The following DNAH12 variants were observed in gnomAD, a reference collection of about 807,000 sequenced individuals.
The protein encoded by DNAH12 is dynein axonemal heavy chain 12, also known as axonemal beta dynein heavy chain 12.
Under a neutral mutation model 371.5 loss-of-function variants are expected in DNAH12, and 285 were observed. That is an observed-to-expected ratio of 0.77 (90% CI 0.70 to 0.85). The LOEUF (loss-of-function observed/expected upper bound fraction) is 0.85, where lower values mean the gene tolerates loss of function less well. Among genes scored for constraint, DNAH12 ranks in the 40% least tolerant of loss-of-function variants. The pLI, the probability that DNAH12 is intolerant of heterozygous loss-of-function variation, is 0.00. For synonymous variants in DNAH12, 1,200 were observed against 1,213.0 expected (o/e 0.99, Z 0.22); for missense variants, 3,611 against 3,689.4 (o/e 0.98, Z 0.55).
intron 69 of DNAH12, among the ~76,000 whole-genome samples, chr3:57,306,256 T>C (rs983204805): frequency 1.3e-5 from 2 of 152,072 alleles, no homozygotes; most frequent in Non-Finnish European, 2.9e-5. Flanking sequence ...TCTTAATCAA[T>C]ACAGAGGCTA....
intron 37 of DNAH12, among the ~76,000 whole-genome samples, chr3:57,419,145 T>C (rs1469353937): frequency 1.3e-5 from 2 of 152,184 alleles, no homozygotes; most frequent in Non-Finnish European, 2.9e-5. Context: ...AGGCAACTTA[T>C]GAGGCAGCAA....
chr3:57,443,254 C>T (rs554622593), intron 29 of DNAH12, among the ~76,000 whole-genome samples: 8 of 152,086 alleles, frequency 5.3e-5, no homozygotes, highest in Non-Finnish European at 8.8e-5. Flanking sequence ...GGACTACAGG[C>T]GTGCACCACC....
intron 57 of DNAH12, among the ~76,000 whole-genome samples, chr3:57,366,350 CTTGGGGCTGCT>C (rs1377434103): frequency 6.6e-6 from 1 of 152,098 alleles, no homozygotes; most frequent in Admixed American, 6.6e-5. Context: ...ACTAGCAGCC[CTTGGGGCTGCT>C]CTATGGAGCA....
chr3:57,496,909 C>A (rs771690311), intron 11 of DNAH12, among the ~76,000 whole-genome samples: 3 of 151,660 alleles, frequency 2.0e-5, no homozygotes, highest in Non-Finnish European at 2.9e-5. Context: ...GCAGAGGTTG[C>A]GGTGAGCCGA....
intron 4 of DNAH12, among the ~76,000 whole-genome samples, chr3:57,511,892 C>T (rs1211920335): frequency 1.3e-5 from 2 of 151,988 alleles, no homozygotes; most frequent in Non-Finnish European, 2.9e-5. Context: ...ATAATTCATA[C>T]CTTCCACCAT....
Position 57,461,553 on chromosome 3 carries a change from T to C in DNAH12, c.2672A>G (p.Gln891Arg). Residue 891 changes from glutamine to arginine, a missense_variant, in exon 19 of 74, where the codon CAA becomes CGA. By Grantham distance (43) the Gln-to-Arg change is conservative (BLOSUM62 1). This residue lies in a region of DNAH12 where 1,314 missense variants were observed against 1,398.7 expected (regional missense o/e 0.94). Coordinates refer to ENST00000495027, the MANE Select transcript of DNAH12 (RefSeq NM_001366028.2). ...TCTCATTGTCTGAGTTTTTATAATT[T>C]GATCATCAAGGATGGCCTGAATCTC... is the stretch of plus-strand genomic sequence containing the variant. ...VDEIQAILDD[Q>R]IIKTQTMRGS... is the part of the protein sequence containing the mutation. 1 of 1,551,412 alleles carries C rather than the reference T, an allele frequency of 6.4e-7. No individual in the cohort carries two copies. The highest frequency in any genetic ancestry group is 1.2e-5 in the South Asian group (1 of 84,048).
chr3:57,333,081 G>A (rs2062138773), intron 62 of DNAH12, among the ~76,000 whole-genome samples: 1 of 152,034 alleles, frequency 6.6e-6, no homozygotes, highest in African/African-American at 2.4e-5. Flanking sequence ...TACAGTTTCT[G>A]TTGCATGTTC....
intron 60 of DNAH12, among the ~76,000 whole-genome samples, chr3:57,337,621 T>C (rs1422762916): frequency 6.6e-6 from 1 of 152,164 alleles, no homozygotes; most frequent in African/African-American, 2.4e-5. Context: ...ATTGTGCCAT[T>C]GCACTCCAGC....
In DNAH12 at chr3:57,433,654, C is replaced by CA; in HGVS notation, c.4829dup (p.Ser1611ValfsTer3). 4.5e-6 allele frequency: 7 copies of CA among 1,547,310 alleles called. No individual in the cohort carries two copies. Among genetic ancestry groups the CA allele is most frequent in the Non-Finnish European group, 6.1e-6 (7 of 1,146,004 alleles). On this transcript the variant is annotated frameshift_variant, in exon 31 of 74. Coordinates refer to ENST00000495027, the MANE Select transcript of DNAH12 (RefSeq NM_001366028.2). LOFTEE classifies it high-confidence loss of function. The stretch of plus-strand genomic sequence containing the variant: ...CTTATATTTAGGTTACCTCATGAGA[C>CA]ACTGGGTCAAACTGTCCAAAAAGTT...
intron 39 of DNAH12, among the ~76,000 whole-genome samples, chr3:57,408,747 TGGAATGAC>T (rs781849285): frequency 0.29 from 31,133 of 106,736 alleles, 4,142 homozygotes; most frequent in Non-Finnish European, 0.36. Context: ...TTTGGATATC[TGGAATGAC>T]CCTTCCCTCT....
chr3:57,429,487 A>C (rs747662090), intron 33 of DNAH12, among the ~76,000 whole-genome samples: 2 of 151,902 alleles, frequency 1.3e-5, no homozygotes, highest in African/African-American at 4.8e-5. Context: ...TCCTCTTCAC[A>C]CTCTTAAAGC....
At chr3:57,430,490 A>G (rs1444905579) in intron 32 of DNAH12, among the ~76,000 whole-genome samples, 1 of 152,124 alleles carries the variant, frequency 6.6e-6, no homozygotes, top group Non-Finnish European at 1.5e-5. Context: ...TGAGTTTTTT[A>G]TGTCTCCTTG....
intron 19 of DNAH12, 121 bp from the exon 20 acceptor site, chr3:57,459,907 A>C: frequency 1.1e-6 from 1 of 883,344 alleles, no homozygotes; most frequent in Non-Finnish European, 1.5e-6. Context: ...CTCACAGCTT[A>C]AGGTTACTTA....
chr3:57,471,468 A>G lies in DNAH12; in HGVS notation c.1911+4T>C. The G allele has an allele frequency of 6.5e-7, 1 of 1,536,772 alleles. No individual in the cohort carries two copies. The highest frequency in any genetic ancestry group is 8.7e-7 in the Non-Finnish European group (1 of 1,143,598). ...ATAGCTATTGTCTCATATATTTATC[A>G]GACCTGTTGCATGCGCTCCAGCTCT... On this transcript the variant is annotated splice_donor_region_variant and intron_variant, in intron 15 of 73. Transcript: ENST00000495027.
intron 45 of DNAH12, among the ~76,000 whole-genome samples, chr3:57,389,814 G>A (rs1373257914): frequency 1.4e-4 from 9 of 66,100 alleles, no homozygotes; most frequent in Non-Finnish European, 3.4e-4. Context: ...GTGTGTGTGT[G>A]TGTGTGTGTA....
At chr3:57,444,366 A>G (rs1394822879) in intron 29 of DNAH12, among the ~76,000 whole-genome samples, 2 of 151,708 alleles carry the variant, frequency 1.3e-5, no homozygotes, top group Non-Finnish European at 2.9e-5. Context: ...AATTTTTTGT[A>G]TTTTTAGTGG....
chr3:57,523,834 G>A lies in DNAH12; in HGVS notation c.221C>T (p.Pro74Leu), dbSNP rs747968208. ...NLDRTLGKRT[P>L]LLPPPDYPQT... ...AGGATAATCAGGTGGTGGTAATAGA[G>A]GTGTTCTTTTACCCAGTGTTCTGTC... The change falls in exon 3 of 74, where the codon CCT becomes CTT. Residue 74 changes from proline (P) to leucine (L), a missense_variant. By Grantham distance (98) the Pro-to-Leu change is moderately conservative. Around this residue, in one of 3 missense-constraint regions of DNAH12, gnomAD observed 1,314 missense variants for 1,398.7 expected, o/e 0.94. Coordinates refer to ENST00000495027, the MANE Select transcript of DNAH12 (RefSeq NM_001366028.2). The A allele has an allele frequency of 1.1e-5, 17 of 1,607,452 alleles. No individual in the cohort carries two copies. The Admixed American group carries it at 2.9e-4, about 27-fold the overall frequency.
intron 11 of DNAH12, among the ~76,000 whole-genome samples, chr3:57,491,081 C>CAAAAAAAAAAAAA (rs553885449): frequency 1.4e-5 from 1 of 70,392 alleles, no homozygotes; most frequent in Non-Finnish European, 2.8e-5. Context: ...GACTCTATCT[C>CAAAAAAAAAAAAA]AAAAAAAAAA....
chr3:57,434,613 T>C (rs951355562), intron 30 of DNAH12, among the ~76,000 whole-genome samples: 5 of 152,182 alleles, frequency 3.3e-5, no homozygotes, highest in African/African-American at 9.7e-5. Context: ...AAAAAAAACC[T>C]AATGTGGCAT....
Sources: allele counts gnomAD v4.1 joint callset (sites outside exome capture counted in the v4.1 genomes callset), GRCh38; gene constraint gnomAD v4.1.1; regional missense constraint gnomAD v4.1.1; transcripts MANE v1.5; gene names NCBI Gene and HGNC (gene_info 2026-07-23, HGNC 2026-07-21).